The following OBP2B variants were observed in gnomAD, a reference collection of about 807,000 sequenced individuals.
OBP2B encodes odorant binding protein 2B.
A neutral mutation model predicts 21.7 loss-of-function variants in OBP2B; 10 were observed. The ratio of observed to expected loss-of-function variants is 0.46; its 90% CI spans 0.28 to 0.78. The LOEUF is 0.78. Among genes scored for constraint, OBP2B ranks in the 30% least tolerant of loss-of-function variants. The pLI, the probability that OBP2B is intolerant of heterozygous loss-of-function variation, is 0.11. For missense variants in OBP2B, 153 were observed against 217.7 expected (o/e 0.70, Z 1.87); for synonymous variants, 73 against 91.5 (o/e 0.80, Z 1.16).
chr9:133,219,730 T>A, the OBP2B span, among the ~76,000 whole-genome samples: 2 of 152,148 alleles, frequency 1.3e-5, no homozygotes, highest in African/African-American at 4.8e-5. Context: ...CAGTTACACA[T>A]AGAATTATTT....
In OBP2B at chr9:133,206,655, T is replaced by TATCCCAGCACC. The variant is rs1253154718; in HGVS notation, c.389-240_389-239insGGTGCTGGGAT. Among the ~76,000 whole-genome samples, 617 of 149,528 alleles carry TATCCCAGCACC rather than the reference T, an allele frequency of 4.1e-3. 3 individuals are homozygous for TATCCCAGCACC. The highest frequency in any genetic ancestry group is 0.015 in the African/African-American group (595 of 40,406). ...GGGGTGGGGCCGGGGACAGAAGAGA[T>TATCCCAGCACC]GGCCATAGCCCAGCACCGGACAAGC... On this transcript the variant is annotated intron_variant, in intron 4 of 6. Coordinates refer to ENST00000372034, the MANE Select transcript of OBP2B (RefSeq NM_014581.4).
At chr9:133,207,161 G>T in intron 4 of OBP2B, 65 bp downstream of exon 4, 1 of 1,138,728 alleles carries the variant, frequency 8.8e-7, no homozygotes, top group South Asian at 1.2e-5. Flanking sequence ...GGTGGTGCTG[G>T]TTCCACCGGC....
upstream of OBP2B, among the ~76,000 whole-genome samples, chr9:133,210,844 G>A (rs1428268076): frequency 9.9e-5 from 15 of 152,150 alleles, no homozygotes; most frequent in South Asian, 4.1e-4. Context: ...TGCAGACACC[G>A]TCAGGAGATG....
upstream of OBP2B, among the ~76,000 whole-genome samples, chr9:133,212,402 A>G (rs1833924775): frequency 6.6e-6 from 1 of 152,206 alleles, no homozygotes; most frequent in African/African-American, 2.4e-5. Context: ...CAGAATATAT[A>G]CCAAGATAGA....
chr9:133,217,372 C>A, the OBP2B span, among the ~76,000 whole-genome samples: 123,543 of 152,194 alleles, frequency 0.81, 50,832 homozygotes, highest in African/African-American at 0.91. Flanking sequence ...GAGCTGGAGC[C>A]AGCAGGCGCT....
At chr9:133,210,536 C>T (rs772435206), upstream of OBP2B, among the ~76,000 whole-genome samples, 16 of 152,050 alleles carry the variant, frequency 1.1e-4, no homozygotes, top group African/African-American at 3.9e-4. Context: ...TCTACATCAA[C>T]GGGAAGGTTT....
chr9:133,214,067 A>G (rs76590479), upstream of OBP2B, among the ~76,000 whole-genome samples: 4,274 of 152,330 alleles, frequency 0.028, 200 homozygotes, highest in African/African-American at 0.093. Flanking sequence ...ACCTGGTACA[A>G]TACTCAAAAA....
At chr9:133,215,637 G>A in the OBP2B span, among the ~76,000 whole-genome samples, 272 of 151,912 alleles carry the variant, frequency 1.8e-3, 1 homozygote, top group Non-Finnish European at 2.8e-3. Flanking sequence ...TCCTGCCTCC[G>A]CCTCCCAAGT....
At chr9:133,221,199 C>T in the OBP2B span, among the ~76,000 whole-genome samples, 1 of 152,184 alleles carries the variant, frequency 6.6e-6, no homozygotes, top group Non-Finnish European at 1.5e-5. Context: ...AATATCTATT[C>T]CCAGTCCCAG....
chr9:133,222,394 T>C, the OBP2B span, among the ~76,000 whole-genome samples: 1 of 152,248 alleles, frequency 6.6e-6, no homozygotes, highest in Non-Finnish European at 1.5e-5. Context: ...CTCCTTCCTC[T>C]GCCACTTTGA....
At chr9:133,207,802 C>T (rs1833786234) in intron 3 of OBP2B, 2 of 1,353,202 alleles carry the variant, frequency 1.5e-6, no homozygotes, top group Non-Finnish European at 2.0e-6. Context: ...ATCCTTAACC[C>T]TCAGCTTCCC....
chr9:133,210,081 A>T (rs782235937), upstream of OBP2B, among the ~76,000 whole-genome samples: 1 of 152,148 alleles, frequency 6.6e-6, no homozygotes, highest in Admixed American at 6.5e-5. Flanking sequence ...AACAAGTCGC[A>T]TGAGGCACCA....
upstream of OBP2B, among the ~76,000 whole-genome samples, chr9:133,211,926 G>A (rs1402539105): frequency 1.3e-5 from 2 of 152,156 alleles, no homozygotes; most frequent in Non-Finnish European, 2.9e-5. Flanking sequence ...TGAATTAAAA[G>A]CCATTATACA....
upstream of OBP2B, among the ~76,000 whole-genome samples, chr9:133,213,663 A>G (rs1299690641): frequency 2.0e-5 from 3 of 152,240 alleles, no homozygotes; most frequent in Non-Finnish European, 4.4e-5. Flanking sequence ...AATACTACGA[A>G]GAGACCTTCC....
In OBP2B at chr9:133,208,193, T is replaced by C. The variant is rs2073870; in HGVS notation, c.217A>G (p.Arg73Gly). The change falls in exon 3 of 7, where the codon AGG becomes GGG. Residue 73 changes from arginine (R) to glycine (G), a missense_variant. This residue lies in a region of OBP2B where 151 missense variants were observed against 186.3 expected (regional missense o/e 0.81). Coordinates refer to ENST00000372034, the MANE Select transcript of OBP2B (RefSeq NM_014581.4). Reference protein sequence around the residue: ...EATFTFMREDRCIQKKILMRK... With the variant: ...EATFTFMREDGCIQKKILMRK... The stretch of plus-strand genomic sequence containing the variant: ...ATCAGGATTTTCTTCTGGATGCACC[T>C]ATCCTCCCTCCTGGAAAACAGGAGA... 7 of 1,606,696 alleles carry C rather than the reference T, an allele frequency of 4.4e-6. No individual in the cohort carries two copies. The highest frequency in any genetic ancestry group is 1.1e-5 in the South Asian group (1 of 90,304).
intron 6 of OBP2B, 136 bp from the exon 7 acceptor site, chr9:133,205,547 G>C: frequency 1.6e-6 from 1 of 643,882 alleles, no homozygotes; most frequent in Non-Finnish European, 2.7e-6. Context: ...AGCGACCTCA[G>C]CTCCTCCAAT....
chr9:133,206,648 G>A (rs1224656750), intron 4 of OBP2B, among the ~76,000 whole-genome samples: 2 of 150,232 alleles, frequency 1.3e-5, no homozygotes, highest in Non-Finnish European at 2.9e-5. Flanking sequence ...GCCGGGGACA[G>A]AAGAGATGGC....
Position 133,208,125 on chromosome 9 carries a change from G to A in OBP2B, c.277+8C>T. 1 of 1,607,262 alleles carries A rather than the reference G, an allele frequency of 6.2e-7. No homozygotes were observed. Among genetic ancestry groups the A allele is most frequent in the Non-Finnish European group, 8.5e-7 (1 of 1,178,142 alleles). On this transcript the variant is annotated splice_region_variant and intron_variant, in intron 3 of 6. Transcript: ENST00000372034. ...GAGGGTGGGGGTGGGAGTGGGGGAG[G>A]GGCTCACAGGCGCTGTATTTGCCAG...
intron 6 of OBP2B, 97 bp from the exon 7 acceptor site, chr9:133,205,508 G>T: frequency 2.3e-6 from 2 of 867,118 alleles, no homozygotes; most frequent in Non-Finnish European, 3.5e-6. Flanking sequence ...CCCCACATCG[G>T]CCACTGCTGG....
Sources: gnomAD v4.1 joint callset for allele counts (sites outside exome capture counted in the v4.1 genomes callset) on GRCh38, gnomAD v4.1.1 for gene constraint, gnomAD v4.1.1 regional missense constraint, MANE v1.5 for transcripts, NCBI Gene and HGNC (gene_info 2026-07-23, HGNC 2026-07-21) for gene names.